The following WDR37 variants were observed in gnomAD, a reference collection of about 807,000 sequenced individuals.
The protein encoded by WDR37 is WD repeat domain 37, also known as WD repeat-containing protein 37.
WDR37 carries 19 observed loss-of-function variants against 62.9 expected under a neutral mutation model. The observed-to-expected ratio is 0.30, with a 90% CI of 0.21 to 0.44. The LOEUF (loss-of-function observed/expected upper bound fraction) is 0.44. Among genes scored for constraint, WDR37 ranks in the 20% least tolerant of loss-of-function variants. The pLI, the probability that WDR37 is intolerant of heterozygous loss-of-function variation, is 1.00. For missense variants in WDR37, 474 were observed against 657.6 expected (o/e 0.72, Z 3.05); for synonymous variants, 250 against 260.9 (o/e 0.96, Z 0.40).
At position 1,069,389 on chromosome 10, in the gene WDR37, A is replaced by ATTTTTTTTTTTTTTTTTTTTTTT. The variant is rs377212232; in HGVS notation, c.-40-2709_-40-2708insTTTTTTTTTTTTTTTTTTTTTTT. On this transcript the variant is annotated intron_variant, in intron 1 of 13. Coordinates refer to ENST00000263150, the MANE Select transcript of WDR37 (RefSeq NM_014023.4). ...GGAAAGAATATATATATATATATAT[A>ATTTTTTTTTTTTTTTTTTTTTTT]TTTTTTTTTTTTTTTTTTGCAGCAG... 4.2e-5 allele frequency among the ~76,000 whole-genome samples: 4 copies of ATTTTTTTTTTTTTTTTTTTTTTT among 95,806 alleles called. 1 individual carries two copies. The highest frequency in any genetic ancestry group is 3.8e-5 in the Non-Finnish European group (2 of 52,584). 62.9% of individuals were successfully genotyped at this position (95,806 alleles called of 152,430 possible).
chr10:1,122,878 G>C (rs1176913086), intron 11 of WDR37, among the ~76,000 whole-genome samples: 1 of 152,244 alleles, frequency 6.6e-6, no homozygotes, highest in African/African-American at 2.4e-5. Flanking sequence ...TGCAATTCAA[G>C]TGATAACATC....
chr10:1,083,099 C>T (rs1402594143), intron 5 of WDR37, among the ~76,000 whole-genome samples: 2 of 152,208 alleles, frequency 1.3e-5, no homozygotes, highest in Non-Finnish European at 2.9e-5. Context: ...CCTTTAATTT[C>T]ACTCCCTCCT....
intron 1 of WDR37, among the ~76,000 whole-genome samples, chr10:1,070,207 C>CAAAA (rs35167375): frequency 2.1e-5 from 2 of 93,892 alleles, no homozygotes; most frequent in African/African-American, 3.9e-5. Flanking sequence ...GACTCTGTCT[C>CAAAA]AAAAAAAAAA....
chr10:1,100,234 C>G (rs1834746370), intron 9 of WDR37, among the ~76,000 whole-genome samples: 1 of 152,124 alleles, frequency 6.6e-6, no homozygotes, highest in Non-Finnish European at 1.5e-5. Flanking sequence ...GTTGGGGGTT[C>G]TGAGTTAAAG....
chr10:1,097,960 G>A (rs985697551), intron 9 of WDR37, among the ~76,000 whole-genome samples: 13 of 152,174 alleles, frequency 8.5e-5, no homozygotes, highest in Admixed American at 5.2e-4. Context: ...TTCAGGTGAT[G>A]TTTTGTTGAG....
At chr10:1,129,109 ATAACT>A in intron 13 of WDR37, 99 bp from the exon 14 acceptor site, 3 of 1,504,948 alleles carry the variant, frequency 2.0e-6, no homozygotes, top group Non-Finnish European at 2.7e-6. Flanking sequence ...TTGTTTTCCT[ATAACT>A]TACGTACTTT....
chr10:1,123,232 C>T (rs1024012132), intron 11 of WDR37, among the ~76,000 whole-genome samples: 2 of 152,104 alleles, frequency 1.3e-5, no homozygotes, highest in Non-Finnish European at 2.9e-5. Flanking sequence ...AATTTTTCTC[C>T]TCAAACTTTT....
At chr10:1,100,382 C>T (rs538033182) in intron 9 of WDR37, among the ~76,000 whole-genome samples, 33 of 152,310 alleles carry the variant, frequency 2.2e-4, no homozygotes, top group African/African-American at 7.7e-4. Context: ...GTGGGAGGCT[C>T]CTTCCAGCAC....
intron 11 of WDR37, among the ~76,000 whole-genome samples, chr10:1,107,003 C>G (rs981172119): frequency 6.6e-5 from 10 of 152,190 alleles, no homozygotes; most frequent in African/African-American, 2.4e-4. Context: ...ATTCTGCCAG[C>G]TCCGTCAGCG....
chr10:1,103,799 C>T lies in WDR37; in HGVS notation c.924C>T (p.Tyr308=), dbSNP rs747325196. Residue 308 remains tyrosine, a synonymous_variant, in exon 10 of 14, where the codon TAC becomes TAT. Coordinates refer to ENST00000263150, the MANE Select transcript of WDR37 (RefSeq NM_014023.4). This position sits in a 1 kb window ranked among gnomAD's most constrained non-coding sequence, Gnocchi z 6.3. ...TASWDRTANL[Y]DVETSELVHS... ...CCTGGGACCGGACGGCAAACCTGTA[C>T]GACGTGGAGACGTCCGAGCTCGTTC... The T allele has an allele frequency of 1.7e-5, 28 of 1,614,098 alleles. No homozygotes were observed. The Admixed American group carries it at 1.8e-4, about 11-fold the overall frequency.
chr10:1,114,242 C>A (rs1835313745), intron 11 of WDR37, among the ~76,000 whole-genome samples: 1 of 152,192 alleles, frequency 6.6e-6, no homozygotes, highest in Admixed American at 6.5e-5. Flanking sequence ...CAGGCGTGAG[C>A]CACCATGCCT....
intron 7 of WDR37, among the ~76,000 whole-genome samples, chr10:1,089,830 C>A (rs937502893): frequency 2.6e-5 from 4 of 152,206 alleles, no homozygotes; most frequent in African/African-American, 9.7e-5. Context: ...TGGGTCTGTT[C>A]CTGTTTCTTC....
At chr10:1,126,745 G>A (rs1232977955) in intron 13 of WDR37, among the ~76,000 whole-genome samples, 6 of 152,322 alleles carry the variant, frequency 3.9e-5, no homozygotes, top group South Asian at 4.1e-4. Flanking sequence ...GCGAAAGTGG[G>A]GGTTCTCTCA....
At chr10:1,098,664 G>A (rs1287216015) in intron 9 of WDR37, among the ~76,000 whole-genome samples, 4 of 152,198 alleles carry the variant, frequency 2.6e-5, no homozygotes, top group African/African-American at 7.2e-5. Flanking sequence ...CTGTGGGCAC[G>A]CGGCAGGATG....
chr10:1,081,469 A>T (rs1408763407), intron 5 of WDR37, among the ~76,000 whole-genome samples: 1 of 152,208 alleles, frequency 6.6e-6, no homozygotes, highest in Non-Finnish European at 1.5e-5. Context: ...TTAATTTAGC[A>T]TGACATCTAT....
In WDR37 at chr10:1,117,819, G is replaced by C. The variant is rs1835452518; in HGVS notation, c.1104-6399G>C. On this transcript the variant is annotated intron_variant, in intron 11 of 13. Transcript: ENST00000263150. ...CAGAGCCAGGGCCCGGGTGGCATGT[G>C]AGGGTCGCCTGGCAGCCTCTTATCA... Among the ~76,000 whole-genome samples, 4 of 152,328 alleles carry C rather than the reference G, an allele frequency of 2.6e-5. No homozygotes were observed. The South Asian group carries it at 8.3e-4, about 32-fold the overall frequency.
intron 13 of WDR37, among the ~76,000 whole-genome samples, chr10:1,127,816 G>A (rs777593044): frequency 1.2e-4 from 19 of 152,162 alleles, no homozygotes; most frequent in African/African-American, 4.6e-4. Flanking sequence ...GCTCATGACG[G>A]CATGGGGCGT....
intron 1 of WDR37, among the ~76,000 whole-genome samples, chr10:1,062,245 A>G (rs1011823208): frequency 1.3e-5 from 2 of 152,222 alleles, no homozygotes; most frequent in Non-Finnish European, 2.9e-5. Flanking sequence ...TGCCGGCGGT[A>G]TTGACTATTT....
At chr10:1,073,155 C>A (rs1458973729) in intron 2 of WDR37, among the ~76,000 whole-genome samples, 1 of 152,058 alleles carries the variant, frequency 6.6e-6, no homozygotes, top group Non-Finnish European at 1.5e-5. Context: ...GTTGTGAAGT[C>A]TAGACGCAGT....
Sources: allele counts gnomAD v4.1 joint callset (sites outside exome capture counted in the v4.1 genomes callset), GRCh38; gene constraint gnomAD v4.1.1; non-coding constraint Gnocchi (gnomAD v3.1); transcripts MANE v1.5; gene names NCBI Gene and HGNC (gene_info 2026-07-23, HGNC 2026-07-21).